The following PCDH11X variants were observed in gnomAD, a reference collection of about 807,000 sequenced individuals.
PCDH11X encodes the protein protocadherin-11 X-linked.
Under a neutral mutation model 53.3 loss-of-function variants are expected in PCDH11X, and 18 were observed. The ratio of observed to expected loss-of-function variants is 0.34; its 90% CI spans 0.23 to 0.50. PCDH11X has a LOEUF of 0.50. PCDH11X is among the 20% of genes least tolerant of loss of function. PCDH11X has a pLI of 0.98. For synonymous variants in PCDH11X, 279 were observed against 393.3 expected (o/e 0.71, Z 3.44); for missense variants, 570 against 1,032.4 (o/e 0.55, Z 6.14).
In PCDH11X at chrX:92,337,919, G is replaced by C. The variant is rs144467326; in HGVS notation, c.3145-49816G>C. 3.1e-3 allele frequency among the ~76,000 whole-genome samples: 341 copies of C among 111,319 alleles called. 5 individuals carry two copies. The highest frequency in any genetic ancestry group is 0.023 in the Admixed American group (238 of 10,455). On this transcript the variant is annotated intron_variant, in intron 8 of 10. Coordinates refer to ENST00000682573, the MANE Select transcript of PCDH11X (RefSeq NM_032968.5). ...GATAAAGTCCCACAGCTTTTGATTA[G>C]ACATATTCTTAAACTCTACATTATA... is the stretch of plus-strand genomic sequence containing the variant.
intron 8 of PCDH11X, among the ~76,000 whole-genome samples, chrX:92,308,222 A>T (rs1040049314): frequency 2.7e-5 from 3 of 111,171 alleles, no homozygotes; most frequent in African/African-American, 9.8e-5. Flanking sequence ...ACGAAGTGGG[A>T]GGCCTAACAC....
At chrX:92,474,936 C>A (rs1392595143) in intron 10 of PCDH11X, among the ~76,000 whole-genome samples, 2 of 107,518 alleles carry the variant, frequency 1.9e-5, no homozygotes, top group African/African-American at 3.4e-5. Context: ...GAGGCCGAGG[C>A]GGGTGGATCA....
intron 9 of PCDH11X, among the ~76,000 whole-genome samples, chrX:92,412,862 C>A (rs1438317184): frequency 1.8e-5 from 2 of 109,852 alleles, no homozygotes; most frequent in Admixed American, 2.0e-4. Flanking sequence ...CTAAGATAAG[C>A]AGCTAGAAGC....
At chrX:92,228,051 A>C (rs1383948351) in intron 7 of PCDH11X, among the ~76,000 whole-genome samples, 1 of 111,485 alleles carries the variant, frequency 9.0e-6, no homozygotes, top group African/African-American at 3.3e-5. Context: ...CAATTCCTTC[A>C]AGTTTCTATT....
intron 10 of PCDH11X, among the ~76,000 whole-genome samples, chrX:92,484,194 T>C (rs2073583734): frequency 1.4e-5 from 1 of 69,617 alleles, no homozygotes; most frequent in Non-Finnish European, 2.3e-5. Flanking sequence ...TATATATGTA[T>C]ATATGTATAT....
At chrX:91,935,295 A>G (rs1218255288) in intron 6 of PCDH11X, among the ~76,000 whole-genome samples, 1 of 104,794 alleles carries the variant, frequency 9.5e-6, no homozygotes, top group Admixed American at 1.0e-4. Flanking sequence ...CTTACTAGAG[A>G]AGACCCAGTA....
intron 10 of PCDH11X, among the ~76,000 whole-genome samples, chrX:92,491,026 G>A (rs1457532151): frequency 5.5e-5 from 6 of 109,438 alleles, no homozygotes; most frequent in Non-Finnish European, 1.1e-4. Context: ...CTCTTGTTAA[G>A]CTTGTCTTGT....
At chrX:92,169,773 A>G (rs1027931078) in intron 6 of PCDH11X, among the ~76,000 whole-genome samples, 1 of 110,720 alleles carries the variant, frequency 9.0e-6, no homozygotes, top group Non-Finnish European at 1.9e-5. Context: ...ACCACTTAGG[A>G]CTATATTTGT....
intron 6 of PCDH11X, among the ~76,000 whole-genome samples, chrX:92,110,378 C>T (rs767611246): frequency 1.9e-5 from 2 of 107,416 alleles, no homozygotes; most frequent in East Asian, 5.9e-4. Context: ...CACTGTCAAC[C>T]GAGGAAAATG....
chrX:92,091,211 C>T (rs2064042690), intron 6 of PCDH11X, among the ~76,000 whole-genome samples: 1 of 111,171 alleles, frequency 9.0e-6, no homozygotes, highest in Admixed American at 9.6e-5. Context: ...GTTTAGAAGA[C>T]TGCAGAGTTA....
intron 6 of PCDH11X, among the ~76,000 whole-genome samples, chrX:92,160,224 T>C (rs1476773433): frequency 9.2e-6 from 1 of 109,228 alleles, no homozygotes; most frequent in Non-Finnish European, 1.9e-5. Flanking sequence ...AGTAAGTTCT[T>C]TTGTGGGGAT....
intron 6 of PCDH11X, among the ~76,000 whole-genome samples, chrX:91,919,182 A>G (rs1384740156): frequency 1.8e-5 from 2 of 111,463 alleles, no homozygotes; most frequent in Non-Finnish European, 3.8e-5. Context: ...TGTTTCTATA[A>G]GAGATAGCCC....
chrX:92,293,502 T>C (rs1276208024), intron 8 of PCDH11X, among the ~76,000 whole-genome samples: 1 of 108,732 alleles, frequency 9.2e-6, no homozygotes, highest in African/African-American at 3.4e-5. Flanking sequence ...CGGGCGCCTG[T>C]AGTCCCAGCT....
chrX:92,308,025 A>T (rs957090977), intron 8 of PCDH11X, among the ~76,000 whole-genome samples: 1 of 100,523 alleles, frequency 9.9e-6, no homozygotes, highest in Non-Finnish European at 2.0e-5. Context: ...AAATGGAAAG[A>T]TATACTGTGT....
intron 6 of PCDH11X, among the ~76,000 whole-genome samples, chrX:91,967,989 CAGAACT>C (rs2061891596): frequency 9.0e-6 from 1 of 111,323 alleles, no homozygotes; most frequent in Non-Finnish European, 1.9e-5. Flanking sequence ...AGGGTAATGC[CAGAACT>C]TGAACAATGT....
At chrX:92,522,542 G>C (rs1290389500) in intron 10 of PCDH11X, among the ~76,000 whole-genome samples, 3 of 111,218 alleles carry the variant, frequency 2.7e-5, no homozygotes, top group African/African-American at 9.8e-5. Context: ...AGCACACGCT[G>C]TTAGAAAAAC....
chrX:92,094,272 T>C (rs1361334640), intron 6 of PCDH11X, among the ~76,000 whole-genome samples: 2 of 109,067 alleles, frequency 1.8e-5, no homozygotes, highest in African/African-American at 3.3e-5. Context: ...GAAAAAAAAA[T>C]GGACAACAGC....
intron 7 of PCDH11X, among the ~76,000 whole-genome samples, chrX:92,214,267 G>A (rs945733106): frequency 9.0e-6 from 1 of 111,643 alleles, no homozygotes; most frequent in Non-Finnish European, 1.9e-5. Context: ...TGCGCAAGAA[G>A]GAATTTGATT....
chrX:92,227,768 T>C (rs1292607261), intron 7 of PCDH11X, among the ~76,000 whole-genome samples: 1 of 111,207 alleles, frequency 9.0e-6, no homozygotes, highest in Non-Finnish European at 1.9e-5. Flanking sequence ...TATAAAGATA[T>C]ACTAGGAGCC....
Sources: gnomAD v4.1 joint callset for allele counts (sites outside exome capture counted in the v4.1 genomes callset) on GRCh38, gnomAD v4.1.1 for gene constraint, MANE v1.5 for transcripts, NCBI Gene and HGNC (gene_info 2026-07-23, HGNC 2026-07-21) for gene names.